The following DDX46 variants were observed in gnomAD, a reference collection of about 807,000 sequenced individuals.
DDX46 encodes the protein DEAD-box helicase 46.
A neutral mutation model predicts 134.9 loss-of-function variants in DDX46; 30 were observed. The observed-to-expected ratio is 0.22, with a 90% CI of 0.17 to 0.30. The LOEUF (loss-of-function observed/expected upper bound fraction) is 0.30, where lower values mean the gene tolerates loss of function less well. DDX46 is among the 10% of genes least tolerant of loss of function. DDX46 has a pLI of 1.00. For missense variants in DDX46, 622 were observed against 1,248.7 expected (o/e 0.50, Z 7.56); for synonymous variants, 415 against 404.1 (o/e 1.03, Z -0.32).
intron 4 of DDX46, 113 bp downstream of exon 4, chr5:134,771,112 C>T (rs2150133631): frequency 1.8e-6 from 1 of 568,918 alleles, no homozygotes; most frequent in East Asian, 3.3e-5. Flanking sequence ...TCTTTTCTGT[C>T]TGTCTTTCTT....
chr5:134,765,626 G>C (rs1315176295), intron 2 of DDX46, among the ~76,000 whole-genome samples: 1 of 152,102 alleles, frequency 6.6e-6, no homozygotes, highest in Non-Finnish European at 1.5e-5. Flanking sequence ...TCATAGAGAT[G>C]GGGGTCTTAA....
intron 21 of DDX46, among the ~76,000 whole-genome samples, chr5:134,820,080 C>T (rs545815295): frequency 4.6e-5 from 7 of 152,136 alleles, no homozygotes; most frequent in African/African-American, 1.7e-4. Flanking sequence ...CACCACCATG[C>T]CTGGCTCATT....
At chr5:134,777,151 G>T (rs1016668217) in intron 5 of DDX46, among the ~76,000 whole-genome samples, 5 of 152,076 alleles carry the variant, frequency 3.3e-5, no homozygotes, top group African/African-American at 1.2e-4. Context: ...CTGGGAGGCG[G>T]AGCTTGCAGT....
chr5:134,765,222 C>G (rs1362203602), intron 2 of DDX46, among the ~76,000 whole-genome samples: 1 of 151,532 alleles, frequency 6.6e-6, no homozygotes, highest in Non-Finnish European at 1.5e-5. Flanking sequence ...GCATGCTCCA[C>G]AAAGCCTGGA....
intron 5 of DDX46, among the ~76,000 whole-genome samples, chr5:134,774,945 C>G (rs909149675): frequency 6.6e-6 from 1 of 152,038 alleles, no homozygotes; most frequent in Non-Finnish European, 1.5e-5. Flanking sequence ...TCTTGCGCCT[C>G]AGCTTTTCAA....
intron 10 of DDX46, among the ~76,000 whole-genome samples, chr5:134,784,928 A>G (rs1297926238): frequency 2.6e-5 from 4 of 152,244 alleles, no homozygotes; most frequent in Non-Finnish European, 5.9e-5. Context: ...TGGCCTTAAC[A>G]GGCTATAATG....
chr5:134,811,209 A>G lies in DDX46; in HGVS notation c.2149-12A>G, dbSNP rs750270186. Reference sequence around the variant, plus strand: ...TAGTGTCTAATAATTGTACTTTTTCATCATGCATTAGGGTTATGCTTATAC... The same window carrying G: ...TAGTGTCTAATAATTGTACTTTTTCGTCATGCATTAGGGTTATGCTTATAC... On this transcript the variant is annotated splice_polypyrimidine_tract_variant and intron_variant, in intron 16 of 22. Coordinates refer to ENST00000452510, the MANE Select transcript of DDX46 (RefSeq NM_001300860.2). 1 of 1,610,484 alleles carries G rather than the reference A, an allele frequency of 6.2e-7. No individual in the cohort carries two copies. The highest frequency in any genetic ancestry group is 1.1e-5 in the South Asian group (1 of 90,558).
chr5:134,806,538 T>C (rs2150154187), intron 15 of DDX46, among the ~76,000 whole-genome samples: 1 of 152,370 alleles, frequency 6.6e-6, no homozygotes, highest in Admixed American at 6.5e-5. Flanking sequence ...CAAATTTATA[T>C]TGATATTGAT....
chr5:134,777,418 C>T, intron 5 of DDX46, among the ~76,000 whole-genome samples, 156 bp from the exon 6 acceptor site: 1 of 152,118 alleles, frequency 6.6e-6, no homozygotes, highest in East Asian at 1.9e-4. Context: ...GGAAAAACCT[C>T]AGAATATGAG....
intron 1 of DDX46, 37 bp from the exon 2 acceptor site, chr5:134,763,867 G>A: frequency 1.3e-6 from 2 of 1,570,510 alleles, no homozygotes; most frequent in Non-Finnish European, 8.7e-7. Context: ...GAAGCTAATG[G>A]TGTTTGCTGA....
At position 134,794,075 on chromosome 5, in the gene DDX46, G is replaced by C. The variant is rs254702; in HGVS notation, c.1627-775G>C. Reference sequence around the variant, plus strand: ...GGTCCGGGCTTGTAGTGGTTGGCGGGGTGTGAATGCAACAATAACAGGCAG... The same window carrying C: ...GGTCCGGGCTTGTAGTGGTTGGCGGCGTGTGAATGCAACAATAACAGGCAG... On this transcript the variant is annotated intron_variant, in intron 13 of 22. Coordinates refer to ENST00000452510, the MANE Select transcript of DDX46 (RefSeq NM_001300860.2). Among the ~76,000 whole-genome samples, 1,144 of 152,218 alleles carry C rather than the reference G, an allele frequency of 7.5e-3. 9 individuals carry two copies. Among genetic ancestry groups the C allele is most frequent in the East Asian group, 0.046 (236 of 5,184 alleles).
rs1161228382 is a variant in DDX46 at position 134,807,991 on chromosome 5, G to T, written c.2148+50G>T. ...ATCTTCATTATATTAAAATACAGGT[G>T]TTTCTTTAGTATTTCAAGGAGTAGA... On this transcript the variant is annotated intron_variant, in intron 16 of 22. Coordinates refer to ENST00000452510, the MANE Select transcript of DDX46 (RefSeq NM_001300860.2). 2.7e-6 allele frequency: 4 copies of T among 1,481,746 alleles called. No homozygotes were observed. In the Admixed American group the frequency reaches 6.3e-5, roughly 23 times the overall value. The allele number at this position is 1,481,746 out of a possible 1,614,324, so 91.8% of individuals were successfully genotyped here. A position where few individuals can be genotyped will look rare whatever the true frequency, so the allele number is the denominator to read the frequency against.
At position 134,766,375 on chromosome 5, in the gene DDX46, T is replaced by A. The variant is rs1314130310; in HGVS notation, c.207-542T>A. On this transcript the variant is annotated intron_variant, in intron 2 of 22. Coordinates refer to ENST00000452510, the MANE Select transcript of DDX46 (RefSeq NM_001300860.2). ...GAGTTCGAGACCAGCCTGACCAACATGGAGAAACCCCATCTGTAAAAATAC... is the reference window on the plus strand; with the variant it reads ...GAGTTCGAGACCAGCCTGACCAACAAGGAGAAACCCCATCTGTAAAAATAC... Among the ~76,000 whole-genome samples the A allele has an allele frequency of 2.6e-5, 4 of 151,592 alleles. No individual in the cohort carries two copies. The South Asian group carries it at 8.3e-4, about 32-fold the overall frequency.
intron 3 of DDX46, among the ~76,000 whole-genome samples, chr5:134,767,593 G>A (rs747734417): frequency 2.6e-5 from 4 of 151,860 alleles, no homozygotes; most frequent in Admixed American, 6.5e-5. Flanking sequence ...TGCCCACCTC[G>A]GCTTCCCAAA....
intron 3 of DDX46, among the ~76,000 whole-genome samples, chr5:134,770,535 G>A (rs563772443): frequency 3.5e-4 from 53 of 152,242 alleles, no homozygotes; most frequent in Non-Finnish European, 6.3e-4. Flanking sequence ...TTTAAGGCCG[G>A]GCGAGGTGGC....
At chr5:134,759,448 T>A (rs1262900580) in intron 1 of DDX46, among the ~76,000 whole-genome samples, 1 of 152,218 alleles carries the variant, frequency 6.6e-6, no homozygotes, top group African/African-American at 2.4e-5. Context: ...TGGGCTACAA[T>A]AAATACTTGT....
chr5:134,800,744 C>T lies in DDX46; in HGVS notation c.1954+4594C>T, dbSNP rs114136350. Among the ~76,000 whole-genome samples, 1,278 of 152,214 alleles carry T rather than the reference C, an allele frequency of 8.4e-3. 19 individuals carry two copies. Among genetic ancestry groups the T allele is most frequent in the African/African-American group, 0.028 (1,164 of 41,530 alleles). The stretch of plus-strand genomic sequence containing the variant: ...AGGCTGTAGTGCAATGATGCCATCT[C>T]GGCTCACTGCAACCTCCGCCTCCCG... On this transcript the variant is annotated intron_variant, in intron 15 of 22. Transcript: ENST00000452510.
In DDX46 at chr5:134,806,105, G is replaced by A. The variant is rs938580693; in HGVS notation, c.1955-1643G>A. On this transcript the variant is annotated intron_variant, in intron 15 of 22. Coordinates refer to ENST00000452510, the MANE Select transcript of DDX46 (RefSeq NM_001300860.2). ...ACAGTCACCTGTAGTCCCAGCTAGT[G>A]GGGAGGCTGAGGCAGGAGAATCGCT... 2.6e-5 allele frequency among the ~76,000 whole-genome samples: 4 copies of A among 151,964 alleles called. No individual in the cohort carries two copies. In the South Asian group the frequency reaches 8.3e-4, roughly 32 times the overall value.
intron 6 of DDX46, 82 bp downstream of exon 6, chr5:134,777,807 A>T (rs1580783418): frequency 4.1e-6 from 6 of 1,465,712 alleles, no homozygotes; most frequent in African/African-American, 1.4e-5. Flanking sequence ...ACTGATTGGC[A>T]TGACTTTGTA....
Sources: gnomAD v4.1 joint callset for allele counts (sites outside exome capture counted in the v4.1 genomes callset) on GRCh38, gnomAD v4.1.1 for gene constraint, MANE v1.5 for transcripts, NCBI Gene and HGNC (gene_info 2026-07-23, HGNC 2026-07-21) for gene names.